Variants in RBFOX1 observed in about 807,000 individuals in gnomAD.
The protein encoded by RBFOX1 is RNA binding protein fox-1 homolog 1.
In RBFOX1, 8 loss-of-function variants were observed where a neutral mutation model predicts 57.7. The observed-to-expected ratio is 0.14, with a 90% CI of 0.08 to 0.25. The LOEUF (loss-of-function observed/expected upper bound fraction) is 0.25. Ranked by LOEUF, RBFOX1 falls within the 10% of genes least tolerant of loss-of-function variation. RBFOX1 has a pLI of 1.00. For missense variants in RBFOX1, 611 were observed against 548.5 expected (o/e 1.11, Z -1.14); for synonymous variants, 326 against 222.4 (o/e 1.47, Z -4.15).
chr16:6,514,975 A>G (rs1423376392), intron 2 of RBFOX1, among the ~76,000 whole-genome samples: 1 of 152,150 alleles, frequency 6.6e-6, no homozygotes, highest in Non-Finnish European at 1.5e-5. Flanking sequence ...AAGAAAAACA[A>G]GAACAAAAAC....
chr16:6,459,138 A>G (rs1311015481), intron 2 of RBFOX1, among the ~76,000 whole-genome samples: 1 of 152,158 alleles, frequency 6.6e-6, no homozygotes, highest in African/African-American at 2.4e-5. Flanking sequence ...GATCGAGACC[A>G]TCCTGGCTAA....
At chr16:7,541,340 G>A (rs149063599) in intron 5 of RBFOX1, among the ~76,000 whole-genome samples, 22 of 152,302 alleles carry the variant, frequency 1.4e-4, no homozygotes, top group African/African-American at 4.6e-4. Context: ...CCAGCTCCAC[G>A]TGAAGCAGCA....
At chr16:7,217,664 T>C (rs537099404) in intron 4 of RBFOX1, among the ~76,000 whole-genome samples, 7 of 152,326 alleles carry the variant, frequency 4.6e-5, no homozygotes, top group Non-Finnish European at 1.0e-4. Flanking sequence ...TTTATTTGTT[T>C]TTAATCATAG....
chr16:6,660,655 G>A (rs1458986474), intron 3 of RBFOX1, among the ~76,000 whole-genome samples: 1 of 152,136 alleles, frequency 6.6e-6, no homozygotes, highest in Admixed American at 6.5e-5. Flanking sequence ...TAAATTGGGA[G>A]TGATACAATC....
chr16:7,307,058 T>C (rs1406821549), intron 4 of RBFOX1, among the ~76,000 whole-genome samples: 2 of 152,224 alleles, frequency 1.3e-5, no homozygotes, highest in African/African-American at 4.8e-5. Context: ...AACAATTTTA[T>C]TTTATAATTG....
At chr16:6,991,700 C>G (rs368034942) in intron 3 of RBFOX1, among the ~76,000 whole-genome samples, 8 of 152,194 alleles carry the variant, frequency 5.3e-5, no homozygotes, top group Non-Finnish European at 1.0e-4. Context: ...CCATTCCTGC[C>G]TGACTTTTGT....
chr16:6,407,946 C>A (rs929735391), intron 2 of RBFOX1, among the ~76,000 whole-genome samples: 2 of 152,108 alleles, frequency 1.3e-5, no homozygotes, highest in Non-Finnish European at 2.9e-5. Context: ...GTATTAAGAG[C>A]TGGAGGCTTT....
intron 3 of RBFOX1, among the ~76,000 whole-genome samples, chr16:5,760,401 C>T (rs1368982169): frequency 1.3e-5 from 2 of 152,110 alleles, no homozygotes; most frequent in Non-Finnish European, 1.5e-5. Flanking sequence ...CATACACACA[C>T]ACATACATAT....
chr16:5,548,166 A>ATATATATAT (rs1420272771), intron 2 of RBFOX1, among the ~76,000 whole-genome samples: 5 of 33,732 alleles, frequency 1.5e-4, no homozygotes, highest in Non-Finnish European at 3.0e-4. Context: ...GTTAAAAAAA[A>ATATATATAT]AAAAAAAAAT....
chr16:7,601,081 G>A (rs2094991407), intron 9 of RBFOX1, among the ~76,000 whole-genome samples: 1 of 152,162 alleles, frequency 6.6e-6, no homozygotes, highest in South Asian at 2.1e-4. Context: ...CTGGATGCTG[G>A]GGAAGCATGG....
chr16:6,663,924 A>C (rs1169251136), intron 3 of RBFOX1, among the ~76,000 whole-genome samples: 1 of 152,212 alleles, frequency 6.6e-6, no homozygotes, highest in Non-Finnish European at 1.5e-5. Context: ...CAGTGGGAAA[A>C]GTGGCTAGAG....
At chr16:5,380,670 C>T (rs1278316278) in intron 1 of RBFOX1, among the ~76,000 whole-genome samples, 1 of 152,158 alleles carries the variant, frequency 6.6e-6, no homozygotes, top group Non-Finnish European at 1.5e-5. Context: ...ATTTGAGGTA[C>T]AGATGAGGAA....
chr16:6,925,736 C>A (rs561823967), intron 3 of RBFOX1, among the ~76,000 whole-genome samples: 1 of 151,760 alleles, frequency 6.6e-6, no homozygotes, highest in Non-Finnish European at 1.5e-5. Flanking sequence ...TTTAAACACC[C>A]AAACACAGAC....
intron 1 of RBFOX1, among the ~76,000 whole-genome samples, chr16:6,236,499 A>G (rs2097506063): frequency 6.6e-6 from 1 of 151,296 alleles, no homozygotes; most frequent in African/African-American, 2.4e-5. Flanking sequence ...CAGCAGCGCC[A>G]TCTCGGCTCA....
At chr16:6,888,998 C>A (rs1385051580) in intron 3 of RBFOX1, among the ~76,000 whole-genome samples, 3 of 152,154 alleles carry the variant, frequency 2.0e-5, no homozygotes, top group Non-Finnish European at 4.4e-5. Flanking sequence ...GCCTGTCCTT[C>A]CACTTAGATT....
chr16:7,627,627 C>A (rs17144386), intron 10 of RBFOX1, among the ~76,000 whole-genome samples: 25,584 of 151,974 alleles, frequency 0.17, 3,855 homozygotes, highest in African/African-American at 0.41. Context: ...CCTTGTAGGC[C>A]CTCTCCATAC....
chr16:7,399,648 TC>T (rs1265338179), intron 4 of RBFOX1, among the ~76,000 whole-genome samples: 5 of 152,130 alleles, frequency 3.3e-5, no homozygotes, highest in African/African-American at 1.2e-4. Context: ...CATATGGCAT[TC>T]CCCTCTATGT....
Position 7,217,239 on chromosome 16 carries a change from C to G in RBFOX1, c.27+165141C>G, listed in dbSNP as rs183064801. Among the ~76,000 whole-genome samples the G allele has an allele frequency of 7.3e-3, 1,092 of 150,062 alleles. 18 individuals carry two copies. Among genetic ancestry groups the G allele is most frequent in the African/African-American group, 0.021 (860 of 40,684 alleles). On this transcript the variant is annotated intron_variant, in intron 4 of 15. Transcript: ENST00000550418. The stretch of plus-strand genomic sequence containing the variant: ...CCTCCCACAGCAGGAGTAGCTGGGA[C>G]TACAGGTGCGTTCCACCACAGCTGG...
intron 2 of RBFOX1, among the ~76,000 whole-genome samples, chr16:6,445,137 T>G (rs2094458857): frequency 1.3e-5 from 2 of 152,052 alleles, no homozygotes; most frequent in Non-Finnish European, 2.9e-5. Context: ...AGACTTGGGA[T>G]GATGGGAGGA....
Sources: allele counts gnomAD v4.1 joint callset (sites outside exome capture counted in the v4.1 genomes callset), GRCh38; gene constraint gnomAD v4.1.1; transcripts MANE v1.5; gene names NCBI Gene and HGNC (gene_info 2026-07-23, HGNC 2026-07-21).